Variants in RANBP2 observed in about 807,000 individuals in gnomAD.
The protein encoded by RANBP2 is RAN binding protein 2, also known as E3 SUMO-protein ligase RanBP2.
A neutral mutation model predicts 303.6 loss-of-function variants in RANBP2; 57 were observed. That is an observed-to-expected ratio of 0.19 (90% CI 0.15 to 0.23). The LOEUF is 0.23. Among genes scored for constraint, RANBP2 ranks in the 10% least tolerant of loss-of-function variants. The pLI is 1.00. For synonymous variants in RANBP2, 1,167 were observed against 1,301.5 expected, an observed-to-expected ratio of 0.90 and a Z score of 2.23; for missense variants, 3,138 against 3,780.8, an observed-to-expected ratio of 0.83 and a Z score of 4.46.
the RANBP2 span, among the ~76,000 whole-genome samples, chr2:108,936,236 C>G: frequency 6.6e-6 from 1 of 152,256 alleles, no homozygotes; most frequent in African/African-American, 2.4e-5. Context: ...CTTGGCAGGC[C>G]TGATGGTTCG....
chr2:109,511,692 G>GT, the RANBP2 span, among the ~76,000 whole-genome samples: 12 of 152,376 alleles, frequency 7.9e-5, no homozygotes, highest in South Asian at 1.9e-3. Context: ...GTGACCCAAC[G>GT]TGAGACCAGG....
chr2:108,721,094 T>G (rs1694207850), intron 1 of RANBP2, among the ~76,000 whole-genome samples: 1 of 152,132 alleles, frequency 6.6e-6, no homozygotes, highest in African/African-American at 2.4e-5. Context: ...CGGATGACCA[T>G]GATTATAATA....
chr2:109,090,701 CT>C, the RANBP2 span, among the ~76,000 whole-genome samples: 1 of 152,012 alleles, frequency 6.6e-6, no homozygotes, highest in African/African-American at 2.4e-5. Flanking sequence ...ATTTATTAGA[CT>C]TGTTAAAATT....
chr2:109,150,835 T>C, the RANBP2 span, among the ~76,000 whole-genome samples: 7 of 152,066 alleles, frequency 4.6e-5, no homozygotes, highest in Admixed American at 4.6e-4. Context: ...AAAAAAAAAG[T>C]TTTGTGCTTT....
the RANBP2 span, among the ~76,000 whole-genome samples, chr2:109,209,985 C>G: frequency 0.031 from 4,750 of 152,260 alleles, 212 homozygotes; most frequent in African/African-American, 0.1. Flanking sequence ...CACGCTCAGC[C>G]CCCCCAGTAA....
chr2:109,436,328 T>C, the RANBP2 span, among the ~76,000 whole-genome samples: 8 of 152,276 alleles, frequency 5.3e-5, no homozygotes, highest in Non-Finnish European at 8.8e-5. Flanking sequence ...GTGTTCCTCT[T>C]GTGTGAGCTG....
the RANBP2 span, chr2:108,894,521 A>T: frequency 6.6e-6 from 1 of 152,562 alleles, no homozygotes; most frequent in South Asian, 2.1e-4. Context: ...TTATATATAT[A>T]CAGAATTAGA....
At chr2:109,263,385 T>G in the RANBP2 span, among the ~76,000 whole-genome samples, 1 of 152,252 alleles carries the variant, frequency 6.6e-6, no homozygotes, top group Non-Finnish European at 1.5e-5. Context: ...TTATTTTGTC[T>G]TTATTTTTTA....
chr2:109,604,923 G>C, the RANBP2 span: 18 of 152,206 alleles, frequency 1.2e-4, no homozygotes, highest in African/African-American at 4.3e-4. Context: ...AAGGTCACTG[G>C]AGAGACGTCA....
In RANBP2 at chr2:108,753,514, C is replaced by A. The variant is rs1382292959; in HGVS notation, c.2006C>A (p.Thr669Asn). 30 of 1,611,772 alleles carry A rather than the reference C, an allele frequency of 1.9e-5. No homozygotes were observed. Among genetic ancestry groups the A allele is most frequent in the Non-Finnish European group, 2.5e-5 (29 of 1,179,840 alleles). ...AATGGAAATATAGAAGATGCTGTGA[C>A]TGCTTTTGAATCTATAAAAAGTGTT... Reference protein sequence around the residue: ...AVNGNIEDAVTAFESIKSVVS... With the variant: ...AVNGNIEDAVNAFESIKSVVS... Residue 669 changes from threonine (T) to asparagine (N), a missense_variant, in exon 14 of 29, where the codon ACT becomes AAT. Physicochemically the swap from Thr to Asn is moderately conservative, Grantham distance 65 (BLOSUM62 0). Transcript: ENST00000283195.
chr2:108,988,395 A>G, the RANBP2 span, among the ~76,000 whole-genome samples: 1 of 152,298 alleles, frequency 6.6e-6, no homozygotes, highest in African/African-American at 2.4e-5. Context: ...GCTGGAAATG[A>G]AAACCTCAAT....
At chr2:108,842,909 G>A in the RANBP2 span, among the ~76,000 whole-genome samples, 1 of 152,138 alleles carries the variant, frequency 6.6e-6, no homozygotes, top group African/African-American at 2.4e-5. Context: ...AAGCACAGAA[G>A]CTTTACTTCC....
the RANBP2 span, among the ~76,000 whole-genome samples, chr2:109,409,410 T>C: frequency 5.3e-5 from 8 of 152,180 alleles, no homozygotes; most frequent in African/African-American, 1.9e-4. Flanking sequence ...CAGCAGTGGA[T>C]GGTGGGCATG....
chr2:108,977,072 C>T, the RANBP2 span, among the ~76,000 whole-genome samples: 1 of 152,152 alleles, frequency 6.6e-6, no homozygotes, highest in Non-Finnish European at 1.5e-5. Context: ...TAGAAAGACA[C>T]CTGTGCTGTG....
At chr2:109,598,311 G>T in the RANBP2 span, among the ~76,000 whole-genome samples, 4 of 151,972 alleles carry the variant, frequency 2.6e-5, no homozygotes, top group African/African-American at 9.6e-5. Flanking sequence ...CAGGTGATCC[G>T]CCCACCTCAG....
chr2:109,355,094 C>T, the RANBP2 span, among the ~76,000 whole-genome samples: 1 of 152,166 alleles, frequency 6.6e-6, no homozygotes, highest in African/African-American at 2.4e-5. Flanking sequence ...GAGCCACTGC[C>T]ATATGGTAAC....
chr2:109,104,623 G>A, the RANBP2 span, among the ~76,000 whole-genome samples: 5 of 151,696 alleles, frequency 3.3e-5, no homozygotes, highest in Non-Finnish European at 7.4e-5. Flanking sequence ...AGCTGGGACT[G>A]CAGGCGCCCG....
the RANBP2 span, among the ~76,000 whole-genome samples, chr2:109,241,316 C>T: frequency 1.9e-4 from 29 of 152,056 alleles, no homozygotes; most frequent in Admixed American, 8.5e-4. Context: ...AAAAGATGGA[C>T]GGATATTGGA....
chr2:109,085,373 G>A, the RANBP2 span, among the ~76,000 whole-genome samples: 5 of 151,994 alleles, frequency 3.3e-5, no homozygotes, highest in South Asian at 2.1e-4. Flanking sequence ...GCGCAATCTC[G>A]GCTCACTGCA....
Sources: gnomAD v4.1 joint callset for allele counts (sites outside exome capture counted in the v4.1 genomes callset) on GRCh38, gnomAD v4.1.1 for gene constraint, MANE v1.5 for transcripts, NCBI Gene and HGNC (gene_info 2026-07-23, HGNC 2026-07-21) for gene names.